DMRTB1: variants seen among roughly 807,000 people sequenced by gnomAD.
The protein encoded by DMRTB1 is doublesex- and mab-3-related transcription factor B1.
In DMRTB1, 9 loss-of-function variants were observed where a neutral mutation model predicts 25.2. That is an observed-to-expected ratio of 0.36 (90% CI 0.22 to 0.62). DMRTB1 has a LOEUF of 0.62. Among genes scored for constraint, DMRTB1 ranks in the 20% least tolerant of loss-of-function variants. The probability of loss-of-function intolerance (pLI) is 0.71; values close to 1 mark genes in which losing one functional copy is unlikely to be tolerated. For missense variants in DMRTB1, 551 were observed against 499.3 expected (o/e 1.10, Z -0.99); for synonymous variants, 269 against 238.1 (o/e 1.13, Z -1.20).
At chr1:53,462,627 A>G (rs1276562317) in intron 2 of DMRTB1, among the ~76,000 whole-genome samples, 7 of 152,312 alleles carry the variant, frequency 4.6e-5, no homozygotes, top group African/African-American at 1.4e-4. Flanking sequence ...ACCCCATTGT[A>G]GCATCGAGAA....
chr1:53,459,663 T>C lies in DMRTB1; in HGVS notation c.210T>C (p.Cys70=). The C allele has an allele frequency of 1.3e-6, 2 of 1,548,514 alleles. No individual in the cohort carries two copies. Among genetic ancestry groups the C allele is most frequent in the Non-Finnish European group, 1.7e-6 (2 of 1,147,080 alleles). ...AAEEEQEAAL[C]AQGPKQASGA... Reference sequence around the variant, plus strand: ...AGGAGGAGCAGGAGGCGGCCCTGTGTGCGCAGGGGCCCAAGCAGGCCTCCG... The same window carrying C: ...AGGAGGAGCAGGAGGCGGCCCTGTGCGCGCAGGGGCCCAAGCAGGCCTCCG... Residue 70 remains cysteine, a synonymous_variant, in exon 1 of 4, where the codon TGT becomes TGC. Transcript: ENST00000371445.
intron 2 of DMRTB1, 90 bp downstream of exon 2, chr1:53,461,735 T>C: frequency 7.0e-7 from 1 of 1,431,698 alleles, no homozygotes; most frequent in Non-Finnish European, 9.2e-7. Flanking sequence ...AAGCCAGCTG[T>C]CATAAACTGT....
chr1:53,461,396 C>T, intron 1 of DMRTB1, 77 bp from the exon 2 acceptor site: 1 of 1,446,656 alleles, frequency 6.9e-7, no homozygotes, highest in Non-Finnish European at 9.2e-7. Context: ...GCGCTGATGA[C>T]CCCGCCGCCC....
At chr1:53,464,871 C>A in intron 3 of DMRTB1, 24 bp downstream of exon 3, 2 of 1,613,306 alleles carry the variant, frequency 1.2e-6, no homozygotes, top group Non-Finnish European at 8.5e-7. Context: ...AGTCTTCCAG[C>A]TTCAGCGAGA....
At chr1:53,464,996 C>A in intron 3 of DMRTB1, 149 bp downstream of exon 3, 1 of 1,096,450 alleles carries the variant, frequency 9.1e-7, no homozygotes. Context: ...CTTCTTACAC[C>A]CTTCCTCCAG....
At chr1:53,465,947 G>C (rs760388815) in intron 3 of DMRTB1, among the ~76,000 whole-genome samples, 5 of 152,248 alleles carry the variant, frequency 3.3e-5, no homozygotes, top group Admixed American at 6.5e-5. Context: ...GCCTATCACT[G>C]TCTGTTTCAC....
intron 3 of DMRTB1, among the ~76,000 whole-genome samples, chr1:53,466,228 A>G (rs1644049263): frequency 6.6e-6 from 1 of 152,156 alleles, no homozygotes; most frequent in Non-Finnish European, 1.5e-5. Context: ...AGTGACTCAC[A>G]CCTGTGATCC....
At chr1:53,460,263 G>T (rs1238282393) in intron 1 of DMRTB1, 2 of 542,580 alleles carry the variant, frequency 3.7e-6, no homozygotes, top group Non-Finnish European at 6.0e-6. Flanking sequence ...ACATTTAGCT[G>T]TAGTTTGTGC....
Position 53,459,457 on chromosome 1 carries a change from G to A in DMRTB1, c.4G>A (p.Ala2Thr). The part of the protein sequence containing the change: M[A>T]DKMVRTPKCS... ...GTTACGAAGGCTGACCCTGCCAATG[G>A]CCGACAAAATGGTGCGCACCCCCAA... The change falls in exon 1 of 4, where the codon GCC (alanine) becomes ACC (threonine). Residue 2 changes from alanine to threonine, a missense_variant. Physicochemically the swap from Ala to Thr is moderately conservative, Grantham distance 58. Coordinates refer to ENST00000371445, the MANE Select transcript of DMRTB1 (RefSeq NM_033067.3). The A allele has an allele frequency of 6.2e-7, 1 of 1,613,068 alleles. No individual in the cohort carries two copies. The highest frequency in any genetic ancestry group is 8.5e-7 in the Non-Finnish European group (1 of 1,179,978).
At position 53,460,006 on chromosome 1, in the gene DMRTB1, C is replaced by G. The variant is rs1434801332; in HGVS notation, c.553C>G (p.Pro185Ala). The G allele has an allele frequency of 1.3e-6, 2 of 1,582,064 alleles. No homozygotes were observed. Among genetic ancestry groups the G allele is most frequent in the South Asian group, 2.2e-5 (2 of 89,024 alleles). Reference protein sequence around the residue: ...LDLRRPMRTVPGPLFTDFVRP... With the variant: ...LDLRRPMRTVAGPLFTDFVRP... ...CCTGCGCAGGCCGATGCGGACCGTG[C>G]CCGGCCCACTGTTCACCGACTTTGG... The change falls in exon 1 of 4, where the codon CCC becomes GCC. Residue 185 changes from proline (P) to alanine (A), a missense_variant. Pro to Ala is a conservative substitution (Grantham distance 27). Coordinates refer to ENST00000371445, the MANE Select transcript of DMRTB1 (RefSeq NM_033067.3).
chr1:53,461,715 C>G, intron 2 of DMRTB1, 70 bp downstream of exon 2: 1 of 1,478,202 alleles, frequency 6.8e-7, no homozygotes, highest in South Asian at 1.4e-5. Context: ...GATGGATCCT[C>G]AGTCCCAGGA....
intron 3 of DMRTB1, 129 bp downstream of exon 3, chr1:53,464,976 G>A (rs925213296): frequency 2.3e-6 from 3 of 1,284,982 alleles, no homozygotes; most frequent in East Asian, 2.3e-5. Context: ...TTGAGCCCTA[G>A]AATGAGCTCC....
intron 2 of DMRTB1, 83 bp from the exon 3 acceptor site, chr1:53,464,554 C>G (rs1644039701): frequency 1.2e-6 from 2 of 1,607,134 alleles, no homozygotes; most frequent in Admixed American, 1.7e-5. Flanking sequence ...GAGCCCCCCA[C>G]TTCAGGGGTG....
intron 2 of DMRTB1, among the ~76,000 whole-genome samples, chr1:53,462,272 G>A (rs1249126628): frequency 6.6e-6 from 1 of 152,226 alleles, no homozygotes; most frequent in East Asian, 1.9e-4. Context: ...CATCCCTGTG[G>A]TGTGTACTAC....
At chr1:53,465,021 C>T (rs1046161966) in intron 3 of DMRTB1, among the ~76,000 whole-genome samples, 174 bp downstream of exon 3, 3 of 152,192 alleles carry the variant, frequency 2.0e-5, no homozygotes, top group African/African-American at 4.8e-5. Context: ...CATAGGCACA[C>T]ATCTAAGGGA....
Position 53,459,420 on chromosome 1 carries a change from G to A in DMRTB1, c.-34G>A. 6.2e-7 allele frequency: 1 copy of A among 1,612,614 alleles called. No individual in the cohort carries two copies. Among genetic ancestry groups the A allele is most frequent in the Non-Finnish European group, 8.5e-7 (1 of 1,179,856 alleles). On this transcript the variant is annotated 5_prime_UTR_variant, in exon 1 of 4. Coordinates refer to ENST00000371445, the MANE Select transcript of DMRTB1 (RefSeq NM_033067.3). ...CGCCACTTGCTCTGCAGCTCCCAGA[G>A]GTGGTGGTTGTGTTACGAAGGCTGA...
Position 53,459,489 on chromosome 1 carries a change from G to C in DMRTB1, c.36G>C (p.Ser12=), listed in dbSNP as rs150523807. ...AAATGGTGCGCACCCCCAAGTGCTC[G>C]AGATGCAGGAACCATGGCTTCCTGG... ...ADKMVRTPKC[S]RCRNHGFLVP... Residue 12 remains serine (S), a synonymous_variant, in exon 1 of 4, where the codon TCG becomes TCC. Transcript: ENST00000371445. 1,587 of 1,613,198 alleles carry C rather than the reference G, an allele frequency of 9.8e-4. 6 individuals carry two copies. Among genetic ancestry groups the C allele is most frequent in the Middle Eastern group, 9.1e-3 (55 of 6,032 alleles).
At chr1:53,464,460 C>T (rs1644039312) in intron 2 of DMRTB1, among the ~76,000 whole-genome samples, 177 bp from the exon 3 acceptor site, 1 of 152,192 alleles carries the variant, frequency 6.6e-6, no homozygotes, top group South Asian at 2.1e-4. Flanking sequence ...TTCTTGCCTT[C>T]AATAATTTGG....
intron 1 of DMRTB1, chr1:53,460,337 A>T (rs1175267269): frequency 1.1e-5 from 3 of 273,632 alleles, no homozygotes; most frequent in African/African-American, 6.7e-5. Context: ...CCTCCGGGGG[A>T]GGCTTCGAGG....
Sources: gnomAD v4.1 joint callset for allele counts (sites outside exome capture counted in the v4.1 genomes callset) on GRCh38, gnomAD v4.1.1 for gene constraint, MANE v1.5 for transcripts, NCBI Gene and HGNC (gene_info 2026-07-23, HGNC 2026-07-21) for gene names.